The following PALS2 variants were observed in gnomAD, a reference collection of about 807,000 sequenced individuals.
PALS2 encodes the protein protein associated with LIN7 2, MAGUK p55 family member.
PALS2 carries 27 observed loss-of-function variants against 61.6 expected under a neutral mutation model. The ratio of observed to expected loss-of-function variants is 0.44; its 90% CI spans 0.32 to 0.60. The LOEUF (loss-of-function observed/expected upper bound fraction) is 0.60, where lower values mean the gene tolerates loss of function less well. PALS2 is among the 20% of genes least tolerant of loss of function. PALS2 has a pLI of 0.05. For synonymous variants in PALS2, 236 were observed against 218.6 expected (o/e 1.08, Z -0.70); for missense variants, 554 against 639.4 (o/e 0.87, Z 1.44).
chr7:24,629,889 A>G (rs1242221864), intron 2 of PALS2, among the ~76,000 whole-genome samples: 1 of 152,232 alleles, frequency 6.6e-6, no homozygotes, highest in Non-Finnish European at 1.5e-5. Flanking sequence ...GGGAGTGTAA[A>G]TTAATTCAAG....
intron 11 of PALS2, among the ~76,000 whole-genome samples, chr7:24,681,440 T>G (rs1027834212): frequency 2.0e-5 from 3 of 152,144 alleles, no homozygotes; most frequent in Non-Finnish European, 4.4e-5. Context: ...ATAAAGACAT[T>G]TAAAACATAC....
intron 2 of PALS2, among the ~76,000 whole-genome samples, chr7:24,636,212 CAAAAAAAAAA>C (rs553687246): frequency 3.1e-5 from 2 of 65,348 alleles, no homozygotes; most frequent in African/African-American, 5.8e-5. Context: ...AACTCTATCT[CAAAAAAAAAA>C]AAAAAAAAAA....
intron 5 of PALS2, among the ~76,000 whole-genome samples, chr7:24,658,487 C>G (rs1195298109): frequency 6.6e-6 from 1 of 151,970 alleles, no homozygotes; most frequent in African/African-American, 2.4e-5. Flanking sequence ...GATTGGCTGC[C>G]AGGCATCAAA....
chr7:24,589,996 A>T (rs1022655021), intron 1 of PALS2, among the ~76,000 whole-genome samples: 1 of 152,192 alleles, frequency 6.6e-6, no homozygotes, highest in African/African-American at 2.4e-5. Context: ...GAGACAATCA[A>T]AAATGGCCTA....
intron 2 of PALS2, among the ~76,000 whole-genome samples, chr7:24,639,235 A>G (rs929294286): frequency 1.3e-5 from 2 of 152,238 alleles, no homozygotes; most frequent in Non-Finnish European, 2.9e-5. Context: ...GTGGCTCTCT[A>G]TATAAAGATG....
At chr7:24,599,484 T>G (rs1004564092) in intron 1 of PALS2, among the ~76,000 whole-genome samples, 1 of 151,704 alleles carries the variant, frequency 6.6e-6, no homozygotes, top group African/African-American at 2.4e-5. Context: ...AAATATTTTC[T>G]TTTTTAATAT....
chr7:24,676,586 C>G (rs922766044), intron 9 of PALS2, among the ~76,000 whole-genome samples: 1 of 151,944 alleles, frequency 6.6e-6, no homozygotes, highest in Non-Finnish European at 1.5e-5. Flanking sequence ...TTTCAGCTTT[C>G]TATGTATGGC....
At chr7:24,672,942 T>C (rs1364454870) in intron 9 of PALS2, among the ~76,000 whole-genome samples, 1 of 152,176 alleles carries the variant, frequency 6.6e-6, no homozygotes, top group African/African-American at 2.4e-5. Flanking sequence ...TAATGTGTAA[T>C]AGTGTAATAG....
chr7:24,609,208 G>C (rs1315526494), intron 1 of PALS2, among the ~76,000 whole-genome samples: 1 of 152,092 alleles, frequency 6.6e-6, no homozygotes, highest in African/African-American at 2.4e-5. Flanking sequence ...GATGATTCAG[G>C]ATTATATCTG....
At chr7:24,631,659 C>G (rs1367233478) in intron 2 of PALS2, among the ~76,000 whole-genome samples, 4 of 152,138 alleles carry the variant, frequency 2.6e-5, no homozygotes, top group Admixed American at 2.6e-4. Flanking sequence ...GAGAGTCCAT[C>G]AATGTGGCAA....
chr7:24,683,150 A>G (rs941779282), intron 11 of PALS2, among the ~76,000 whole-genome samples: 7 of 152,128 alleles, frequency 4.6e-5, no homozygotes, highest in African/African-American at 1.7e-4. Context: ...GATAAATTAT[A>G]TTTTTAGGGA....
At chr7:24,635,790 C>T (rs1054919505) in intron 2 of PALS2, among the ~76,000 whole-genome samples, 1 of 152,068 alleles carries the variant, frequency 6.6e-6, no homozygotes, top group Non-Finnish European at 1.5e-5. Flanking sequence ...ATGGATATGT[C>T]AGGTTTTTTG....
In PALS2 at chr7:24,652,562, G is replaced by T. The variant is rs113154324; in HGVS notation, c.651+1850G>T. Among the ~76,000 whole-genome samples, 169 of 151,904 alleles carry T rather than the reference G, an allele frequency of 1.1e-3. 1 individual carries two copies. The highest frequency in any genetic ancestry group is 3.9e-3 in the African/African-American group (161 of 41,394). On this transcript the variant is annotated intron_variant, in intron 5 of 11. Coordinates refer to ENST00000222644, the MANE Select transcript of PALS2 (RefSeq NM_001303037.2). ...GAAGTAAAGAAACTATAACATGAAG[G>T]CTTCCAAAAGAACATCCAAATTGAG...
intron 7 of PALS2, 78 bp from the exon 8 acceptor site, chr7:24,665,942 AC>A: frequency 7.5e-7 from 1 of 1,328,920 alleles, no homozygotes; most frequent in Admixed American, 1.9e-5. Flanking sequence ...TAATTCTCCC[AC>A]CCCTGTAAAA....
At chr7:24,619,871 C>T (rs183164175) in intron 1 of PALS2, among the ~76,000 whole-genome samples, 6 of 152,010 alleles carry the variant, frequency 3.9e-5, no homozygotes, top group Admixed American at 1.3e-4. Flanking sequence ...CCTTTCTTCC[C>T]GAAATCTCTA....
At chr7:24,682,478 C>G (rs1370298619) in intron 11 of PALS2, among the ~76,000 whole-genome samples, 1 of 152,200 alleles carries the variant, frequency 6.6e-6, no homozygotes, top group Non-Finnish European at 1.5e-5. Context: ...CTCAAGAGTC[C>G]TGTAGGCTCC....
intron 2 of PALS2, among the ~76,000 whole-genome samples, chr7:24,633,545 C>T (rs956386506): frequency 1.4e-5 from 2 of 142,342 alleles, no homozygotes; most frequent in Admixed American, 7.6e-5. Context: ...ACTTAGAATT[C>T]GGGGTTTTTA....
Position 24,573,700 on chromosome 7 carries a change from C to T in PALS2, c.-3+107C>T, listed in dbSNP as rs1387048127. 4 of 159,186 alleles carry T rather than the reference C, an allele frequency of 2.5e-5. No homozygotes were observed. Among genetic ancestry groups the T allele is most frequent in the African/African-American group, 4.9e-5 (2 of 40,758 alleles). 9.9% of individuals were successfully genotyped at this position (159,186 alleles called of 1,614,324 possible). ...GCGGCGCGCCACGCGGGGACCCTGG[C>T]CCGCCCCGCCCCCCTCGGCACCTGG... On this transcript the variant is annotated intron_variant, in intron 1 of 11. Transcript: ENST00000222644. This position sits in a 1 kb window ranked among gnomAD's most constrained non-coding sequence, Gnocchi z 5.3.
chr7:24,599,582 A>C (rs566562035), intron 1 of PALS2, among the ~76,000 whole-genome samples: 1 of 137,138 alleles, frequency 7.3e-6, no homozygotes, highest in South Asian at 2.2e-4. Flanking sequence ...TGGGCTCACT[A>C]CAACTTCTGC....
Sources: gnomAD v4.1 joint callset for allele counts (sites outside exome capture counted in the v4.1 genomes callset) on GRCh38, gnomAD v4.1.1 for gene constraint, Gnocchi (gnomAD v3.1) non-coding constraint, MANE v1.5 for transcripts, NCBI Gene and HGNC (gene_info 2026-07-23, HGNC 2026-07-21) for gene names.